The following EYA3 variants were observed in gnomAD, a reference collection of about 807,000 sequenced individuals.
EYA3 encodes EYA transcriptional coactivator and phosphatase 3.
In EYA3, 39 loss-of-function variants were observed where a neutral mutation model predicts 80.0. The observed-to-expected ratio is 0.49, with a 90% CI of 0.38 to 0.64. EYA3 has a LOEUF of 0.64. EYA3 is among the 30% of genes least tolerant of loss of function. EYA3 has a pLI of 0.00. For synonymous variants in EYA3, 206 were observed against 232.8 expected (o/e 0.88, Z 1.05); for missense variants, 523 against 676.1 (o/e 0.77, Z 2.51).
chr1:27,983,961 C>A (rs1639481455), intron 16 of EYA3, among the ~76,000 whole-genome samples: 1 of 152,012 alleles, frequency 6.6e-6, no homozygotes, highest in Non-Finnish European at 1.5e-5. Context: ...GGCAGTTCTT[C>A]ATAGATTCTG....
chr1:28,042,762 A>C (rs1185662370), intron 3 of EYA3, 112 bp from the exon 4 acceptor site: 1 of 803,316 alleles, frequency 1.2e-6, no homozygotes, highest in Non-Finnish European at 2.1e-6. Context: ...GGCAAAGTAA[A>C]TCTTCGTGAT....
At chr1:27,977,593 G>A (rs1436199302) in intron 17 of EYA3, among the ~76,000 whole-genome samples, 1 of 152,164 alleles carries the variant, frequency 6.6e-6, no homozygotes, top group Admixed American at 6.5e-5. Context: ...GCTCAAACCT[G>A]TAATCCCAGC....
rs1638792702 is a variant in EYA3 at position 27,973,096 on chromosome 1, G to A, written c.*1370C>T. On this transcript the variant is annotated 3_prime_UTR_variant, in exon 18 of 18. Transcript: ENST00000373871. ...CTTTCTGGTTTCCTACTTTAGAATG[G>A]GATTTGAGAAGCAGGGTTTTCCATG... The A allele has an allele frequency of 6.6e-6, 1 of 152,138 alleles. No individual in the cohort carries two copies. The highest frequency in any genetic ancestry group is 1.5e-5 in the Non-Finnish European group (1 of 68,044). The allele number at this position is 152,138 out of a possible 1,614,324, so 9.4% of individuals were successfully genotyped here.
Position 28,013,418 on chromosome 1 carries a change from A to T in EYA3, c.586-124T>A. On this transcript the variant is annotated intron_variant, in intron 8 of 17. Coordinates refer to ENST00000373871, the MANE Select transcript of EYA3 (RefSeq NM_001990.4). The surrounding 1 kb of genome is among the most constrained non-coding windows in gnomAD (Gnocchi z 4.0). ...TTCTAAAACATTAATTTGACTTCTC[A>T]TTTACCTACCTAAAAGTCTCCAATC... 2 of 882,466 alleles carry T rather than the reference A, an allele frequency of 2.3e-6. No homozygotes were observed. The allele number at this position is 882,466 out of a possible 1,614,324, so 54.7% of individuals were successfully genotyped here.
intron 17 of EYA3, among the ~76,000 whole-genome samples, chr1:27,975,487 ATTT>A (rs35806831): frequency 2.2e-5 from 3 of 133,636 alleles, no homozygotes; most frequent in Admixed American, 7.6e-5. Context: ...TGGAGGCCAT[ATTT>A]TTTTTTTTTT....
chr1:28,056,674 G>A (rs1644448996), intron 2 of EYA3, among the ~76,000 whole-genome samples: 1 of 152,200 alleles, frequency 6.6e-6, no homozygotes, highest in Non-Finnish European at 1.5e-5. Flanking sequence ...TCATGTTACA[G>A]AAGTTCAAGA....
At chr1:27,989,596 T>C (rs1475008347) in intron 15 of EYA3, 101 bp downstream of exon 15, 2 of 672,758 alleles carry the variant, frequency 3.0e-6, no homozygotes, top group East Asian at 5.9e-5. Flanking sequence ...AACTCCTCTC[T>C]ACCCCTATCC....
intron 1 of EYA3, among the ~76,000 whole-genome samples, chr1:28,088,030 C>T (rs1349148301): frequency 6.6e-6 from 1 of 152,088 alleles, no homozygotes; most frequent in Non-Finnish European, 1.5e-5. Flanking sequence ...CCTACTGGTC[C>T]CAGGAGGAAG....
chr1:28,066,155 C>A (rs1411669737), intron 1 of EYA3, among the ~76,000 whole-genome samples: 1 of 151,886 alleles, frequency 6.6e-6, no homozygotes, highest in East Asian at 1.9e-4. Context: ...TGATTCATGA[C>A]CCAGGCAGGA....
chr1:28,028,251 G>C (rs1642904538), intron 6 of EYA3, among the ~76,000 whole-genome samples: 1 of 152,134 alleles, frequency 6.6e-6, no homozygotes, highest in African/African-American at 2.4e-5. Flanking sequence ...CTGTTATAAA[G>C]AGTGCCTGAT....
chr1:28,026,737 A>C (rs2148824919), intron 7 of EYA3, among the ~76,000 whole-genome samples: 1 of 151,714 alleles, frequency 6.6e-6, no homozygotes, highest in East Asian at 1.9e-4. Context: ...TTAGAAAGAA[A>C]GAAGGGGGAG....
chr1:28,038,457 A>AC (rs1643584921), intron 5 of EYA3, among the ~76,000 whole-genome samples: 1 of 150,960 alleles, frequency 6.6e-6, no homozygotes, highest in Admixed American at 6.6e-5. Context: ...AAAAAAAAAA[A>AC]AAAAAAACCG....
chr1:28,008,499 TGA>T (rs956608093), intron 10 of EYA3, among the ~76,000 whole-genome samples: 2 of 151,794 alleles, frequency 1.3e-5, no homozygotes, highest in African/African-American at 4.8e-5. Flanking sequence ...GCACAAAAAT[TGA>T]GAGAGTGAAA....
chr1:28,013,036 A>T lies in EYA3; in HGVS notation c.769+75T>A. 1 of 1,466,176 alleles carries T rather than the reference A, an allele frequency of 6.8e-7. No individual in the cohort carries two copies. Among genetic ancestry groups the T allele is most frequent in the Non-Finnish European group, 9.3e-7 (1 of 1,075,322 alleles). The allele number at this position is 1,466,176 out of a possible 1,614,324, so 90.8% of individuals were successfully genotyped here. On this transcript the variant is annotated intron_variant, in intron 9 of 17. Coordinates refer to ENST00000373871, the MANE Select transcript of EYA3 (RefSeq NM_001990.4). This position sits in a 1 kb window ranked among gnomAD's most constrained non-coding sequence, Gnocchi z 4.0. The stretch of plus-strand genomic sequence containing the variant: ...CAATGACTTAAGACAGAACAAAATC[A>T]TCCTTACCATTGCCTAAAAACAACT...
intron 3 of EYA3, among the ~76,000 whole-genome samples, chr1:28,042,985 C>G (rs940056779): frequency 3.9e-5 from 6 of 152,100 alleles, no homozygotes; most frequent in African/African-American, 1.4e-4. Context: ...GCTGGGATTA[C>G]AGGTGCATGC....
chr1:27,995,585 A>C (rs1640395818), intron 13 of EYA3, among the ~76,000 whole-genome samples: 1 of 140,044 alleles, frequency 7.1e-6, no homozygotes, highest in Admixed American at 7.1e-5. Flanking sequence ...AAATACAAAA[A>C]ATTAGCCAGG....
At chr1:27,977,304 A>G in intron 17 of EYA3, 1 of 1,550,466 alleles carries the variant, frequency 6.4e-7, no homozygotes, top group Non-Finnish European at 8.7e-7. Context: ...ATAGTTGCTA[A>G]GGTTTCCACT....
intron 15 of EYA3, among the ~76,000 whole-genome samples, chr1:27,989,299 C>A (rs1639874416): frequency 6.6e-6 from 1 of 152,058 alleles, no homozygotes; most frequent in Non-Finnish European, 1.5e-5. Flanking sequence ...CTTAATGTAC[C>A]CTTTTTCTTT....
At chr1:28,046,701 A>C (rs1238094794) in intron 3 of EYA3, among the ~76,000 whole-genome samples, 1 of 152,190 alleles carries the variant, frequency 6.6e-6, no homozygotes, top group Non-Finnish European at 1.5e-5. Context: ...AGTGATTGGG[A>C]ATAAGTACAG....
Sources: allele counts gnomAD v4.1 joint callset (sites outside exome capture counted in the v4.1 genomes callset), GRCh38; gene constraint gnomAD v4.1.1; non-coding constraint Gnocchi (gnomAD v3.1); transcripts MANE v1.5; gene names NCBI Gene and HGNC (gene_info 2026-07-23, HGNC 2026-07-21).